The following MGAT4C variants were observed in gnomAD, a reference collection of about 807,000 sequenced individuals.
MGAT4C encodes MGAT4 family member C.
A neutral mutation model predicts 40.1 loss-of-function variants in MGAT4C; 19 were observed. That is an observed-to-expected ratio of 0.47 (90% CI 0.33 to 0.70). The LOEUF is 0.70. MGAT4C is among the 30% of genes least tolerant of loss of function. The pLI, the probability that MGAT4C is intolerant of heterozygous loss-of-function variation, is 0.02. For synonymous variants in MGAT4C, 181 were observed against 187.1 expected (o/e 0.97, Z 0.27); for missense variants, 491 against 563.2 (o/e 0.87, Z 1.30).
intron 2 of MGAT4C, among the ~76,000 whole-genome samples, chr12:86,664,675 T>G (rs939694826): frequency 6.6e-5 from 10 of 152,048 alleles, no homozygotes; most frequent in Non-Finnish European, 1.5e-4. Flanking sequence ...AAAAAAAAGG[T>G]GCCTATTATC....
rs186636448 is a variant in MGAT4C at position 86,388,261 on chromosome 12, T to A, written c.-120+46896A>T. ...TTAGTTGGATTTCAAATATACATAT[T>A]TTGGAGAGAAAATATAAAAGTGATA... On this transcript the variant is annotated intron_variant, in intron 3 of 7. Coordinates refer to the MGAT4C transcript ENST00000548651. 9.3e-4 allele frequency among the ~76,000 whole-genome samples: 141 copies of A among 152,262 alleles called. 1 individual carries two copies. Among genetic ancestry groups the A allele is most frequent in the African/African-American group, 3.1e-3 (127 of 41,568 alleles).
At chr12:85,991,227 G>T (rs1351450836) in intron 2 of MGAT4C, among the ~76,000 whole-genome samples, 1 of 152,152 alleles carries the variant, frequency 6.6e-6, no homozygotes, top group Non-Finnish European at 1.5e-5. Flanking sequence ...AGACAGGGTA[G>T]CTCCTCTCTG....
At chr12:86,163,075 C>A (rs1386736306) in intron 1 of MGAT4C, among the ~76,000 whole-genome samples, 1 of 152,166 alleles carries the variant, frequency 6.6e-6, no homozygotes, top group Non-Finnish European at 1.5e-5. Context: ...GATTCCAGTA[C>A]TCTGCAGAGC....
intron 2 of MGAT4C, among the ~76,000 whole-genome samples, chr12:86,634,658 A>G (rs1963160344): frequency 6.6e-6 from 1 of 152,084 alleles, no homozygotes; most frequent in South Asian, 2.1e-4. Context: ...GCTCTCAGCT[A>G]CAAAAAACAT....
chr12:86,252,172 A>T (rs1323808504), intron 1 of MGAT4C, among the ~76,000 whole-genome samples: 1 of 152,004 alleles, frequency 6.6e-6, no homozygotes, highest in Non-Finnish European at 1.5e-5. Flanking sequence ...TCATAGCTTC[A>T]GAGGCAGAGA....
rs61224640 is a variant in MGAT4C at position 86,277,887 on chromosome 12, G to C, written c.-57+56178C>G. On this transcript the variant is annotated intron_variant, in intron 4 of 7. Coordinates refer to the MGAT4C transcript ENST00000548651. ...AGCTTTGGCTGTTCTGGGGTTTTTT[G>C]GGGTTCCATGTAAATTTTAGGATTA... Among the ~76,000 whole-genome samples, 455 of 152,050 alleles carry C rather than the reference G, an allele frequency of 3.0e-3. 2 individuals are homozygous for C. The highest frequency in any genetic ancestry group is 0.01 in the African/African-American group (434 of 41,484).
At chr12:86,096,410 CT>C (rs1364915713) in intron 1 of MGAT4C, among the ~76,000 whole-genome samples, 3 of 150,180 alleles carry the variant, frequency 2.0e-5, no homozygotes, top group Non-Finnish European at 4.5e-5. Flanking sequence ...CTCCCCTCCC[CT>C]CCCCTCCCCT....
In MGAT4C at chr12:85,978,640, A is replaced by G. The variant is rs1884188151; in HGVS notation, c.*649T>C. Reference sequence around the variant, plus strand: ...TGCTTCCCCCAGAAAATTTATCAACAATAGGTGCTCAATTAAATGTTTTTA... The same window carrying G: ...TGCTTCCCCCAGAAAATTTATCAACGATAGGTGCTCAATTAAATGTTTTTA... On this transcript the variant is annotated 3_prime_UTR_variant, in exon 5 of 5. Coordinates refer to ENST00000611864, the MANE Select transcript of MGAT4C (RefSeq NM_001351288.2). 1 of 151,870 alleles carries G rather than the reference A, an allele frequency of 6.6e-6. No homozygotes were observed. Among genetic ancestry groups the G allele is most frequent in the Admixed American group, 6.6e-5 (1 of 15,148 alleles). The allele number at this position is 151,870 out of a possible 1,614,324, so 9.4% of individuals were successfully genotyped here.
intron 3 of MGAT4C, among the ~76,000 whole-genome samples, chr12:86,350,206 G>C (rs1157232645): frequency 2.0e-5 from 3 of 152,018 alleles, no homozygotes; most frequent in Non-Finnish European, 4.4e-5. Context: ...TATTTCTCAA[G>C]CTCTATACCA....
At chr12:86,251,620 T>A (rs1304202333) in intron 1 of MGAT4C, among the ~76,000 whole-genome samples, 1 of 152,020 alleles carries the variant, frequency 6.6e-6, no homozygotes, top group Non-Finnish European at 1.5e-5. Context: ...GCAAATTGTG[T>A]CATTTTCTTC....
chr12:86,133,772 T>G (rs1311735731), intron 1 of MGAT4C, among the ~76,000 whole-genome samples: 2 of 152,078 alleles, frequency 1.3e-5, no homozygotes, highest in East Asian at 1.9e-4. Flanking sequence ...AGTGTTAAAA[T>G]TTTGGTAAAA....
intron 2 of MGAT4C, among the ~76,000 whole-genome samples, chr12:86,611,005 C>A (rs1297496400): frequency 6.6e-6 from 1 of 151,686 alleles, no homozygotes; most frequent in Non-Finnish European, 1.5e-5. Flanking sequence ...CTGGTAAGTT[C>A]TCTCGCTGTG....
chr12:86,426,314 T>C (rs902081293), intron 3 of MGAT4C, among the ~76,000 whole-genome samples: 1 of 152,206 alleles, frequency 6.6e-6, no homozygotes, highest in African/African-American at 2.4e-5. Context: ...ACGAGTTTTC[T>C]GCATTATTAC....
chr12:86,251,078 T>A (rs183126394), intron 1 of MGAT4C, among the ~76,000 whole-genome samples: 59 of 151,060 alleles, frequency 3.9e-4, no homozygotes, highest in African/African-American at 1.4e-3. Context: ...GCTTATAAGA[T>A]TAGTTCATGA....
At position 86,808,729 on chromosome 12, in the gene MGAT4C, C is replaced by T. The variant is rs192239037; in HGVS notation, c.-262+29937G>A. ...TGAAAACTAGCAATAGACAAGGATG[C>T]CCTCTCTCACCCCTCCTACGCAACA... is the stretch of plus-strand genomic sequence containing the variant. On this transcript the variant is annotated intron_variant, in intron 1 of 7. Coordinates refer to the MGAT4C transcript ENST00000548651. 4.2e-4 allele frequency among the ~76,000 whole-genome samples: 64 copies of T among 152,052 alleles called. No individual in the cohort carries two copies. The East Asian group carries it at 0.011, about 26-fold the overall frequency.
chr12:86,316,238 A>G (rs1954227293), intron 4 of MGAT4C, among the ~76,000 whole-genome samples: 1 of 152,186 alleles, frequency 6.6e-6, no homozygotes, highest in Non-Finnish European at 1.5e-5. Flanking sequence ...GAGGCTGCAG[A>G]GGAAAGGGAA....
chr12:86,339,023 A>T (rs1431706584), intron 3 of MGAT4C, among the ~76,000 whole-genome samples: 1 of 151,364 alleles, frequency 6.6e-6, no homozygotes, highest in Non-Finnish European at 1.5e-5. Context: ...ATTTGAGCAC[A>T]TTTATCTGTC....
intron 1 of MGAT4C, among the ~76,000 whole-genome samples, chr12:86,086,432 T>C (rs1297773248): frequency 6.6e-6 from 1 of 152,020 alleles, no homozygotes; most frequent in Non-Finnish European, 1.5e-5. Flanking sequence ...AAATACCTAA[T>C]GTAGATGACG....
intron 3 of MGAT4C, among the ~76,000 whole-genome samples, chr12:86,393,928 A>C (rs970915828): frequency 6.6e-6 from 1 of 152,162 alleles, no homozygotes; most frequent in Non-Finnish European, 1.5e-5. Context: ...TAGTGGAGGG[A>C]TGGGAATGTT....
Sources: gnomAD v4.1 joint callset for allele counts (sites outside exome capture counted in the v4.1 genomes callset) on GRCh38, gnomAD v4.1.1 for gene constraint, MANE v1.5 for transcripts, NCBI Gene and HGNC (gene_info 2026-07-23, HGNC 2026-07-21) for gene names.